Variants in PTPRD observed in about 807,000 individuals in gnomAD.
PTPRD encodes receptor-type tyrosine-protein phosphatase delta.
Under a neutral mutation model 214.5 loss-of-function variants are expected in PTPRD, and 34 were observed. The ratio of observed to expected loss-of-function variants is 0.16; its 90% CI spans 0.12 to 0.21. The LOEUF (loss-of-function observed/expected upper bound fraction) is 0.21, where lower values mean the gene tolerates loss of function less well. Ranked by LOEUF, PTPRD falls within the 10% of genes least tolerant of loss-of-function variation. The pLI is 1.00. For synonymous variants in PTPRD, 1,128 were observed against 845.7 expected (o/e 1.33, Z -5.79); for missense variants, 2,545 against 2,398.7 (o/e 1.06, Z -1.27).
At chr9:8,636,122 G>A (rs935070079) in intron 13 of PTPRD, among the ~76,000 whole-genome samples, 2 of 152,168 alleles carry the variant, frequency 1.3e-5, no homozygotes, top group African/African-American at 4.8e-5. Flanking sequence ...GGTGCGAGGG[G>A]CAGTGGACCA....
In PTPRD at chr9:8,803,971, C is replaced by A. The variant is rs188166276; in HGVS notation, c.-103-70025G>T. The stretch of plus-strand genomic sequence containing the variant: ...CTCACTTCTTCCCTCCACCCCCCCA[C>A]AGACGGAGTCTCGCTCTGTTGCCCA... On this transcript the variant is annotated intron_variant, in intron 11 of 45. Coordinates refer to ENST00000381196, the MANE Select transcript of PTPRD (RefSeq NM_002839.4). Among the ~76,000 whole-genome samples the A allele has an allele frequency of 7.2e-3, 1,101 of 151,892 alleles. 6 individuals carry two copies. The highest frequency in any genetic ancestry group is 0.01 in the Non-Finnish European group (692 of 67,954).
At chr9:8,489,818 T>C (rs2097112897) in intron 27 of PTPRD, among the ~76,000 whole-genome samples, 1 of 152,212 alleles carries the variant, frequency 6.6e-6, no homozygotes, top group African/African-American at 2.4e-5. Flanking sequence ...ACTCACTGCA[T>C]TCCTGGCTTC....
In PTPRD at chr9:9,435,559, T is replaced by C. The variant is rs1452624196; in HGVS notation, c.-236-38077A>G. Among the ~76,000 whole-genome samples, 5 of 152,120 alleles carry C rather than the reference T, an allele frequency of 3.3e-5. 1 individual carries two copies. The highest frequency in any genetic ancestry group is 9.7e-5 in the African/African-American group (4 of 41,428). On this transcript the variant is annotated intron_variant, in intron 8 of 45. Transcript: ENST00000381196. ...CAGATTTTAAGTGCTAAGGATTTGTTTTATTACACTTCATCATCTTTGGTA... is the reference window on the plus strand; with the variant it reads ...CAGATTTTAAGTGCTAAGGATTTGTCTTATTACACTTCATCATCTTTGGTA...
intron 11 of PTPRD, among the ~76,000 whole-genome samples, chr9:8,895,721 T>C (rs1429615799): frequency 6.6e-6 from 1 of 152,192 alleles, no homozygotes; most frequent in Non-Finnish European, 1.5e-5. Context: ...GGGAAGACAA[T>C]GAGTGCTGCT....
At chr9:8,498,187 A>C (rs2097316872) in intron 25 of PTPRD, among the ~76,000 whole-genome samples, 1 of 152,184 alleles carries the variant, frequency 6.6e-6, no homozygotes, top group Admixed American at 6.5e-5. Context: ...AAACATAAAG[A>C]CTTCTGAGAG....
chr9:8,974,647 T>A (rs377281621), intron 11 of PTPRD, among the ~76,000 whole-genome samples: 5 of 152,182 alleles, frequency 3.3e-5, no homozygotes, highest in South Asian at 4.1e-4. Flanking sequence ...ACTGCTTACG[T>A]TTATTAATCC....
intron 30 of PTPRD, 25 bp downstream of exon 30, chr9:8,484,094 A>T (rs2096948282): frequency 6.3e-7 from 1 of 1,599,624 alleles, no homozygotes; most frequent in Admixed American, 1.7e-5. Context: ...TCTTTCCTTC[A>T]GCCCTAAGCC....
At chr9:9,793,134 C>A (rs190234009) in intron 5 of PTPRD, among the ~76,000 whole-genome samples, 172 of 152,074 alleles carry the variant, frequency 1.1e-3, no homozygotes, top group Non-Finnish European at 2.0e-3. Flanking sequence ...AAATACAGGA[C>A]CTGAAATTCC....
At chr9:10,210,815 ATATATATGTATGTATG>A (rs2099513196) in intron 3 of PTPRD, among the ~76,000 whole-genome samples, 1 of 87,240 alleles carries the variant, frequency 1.1e-5, no homozygotes, top group African/African-American at 5.8e-5. Context: ...ATATATATAT[ATATATATGTATGTATG>A]TATGTATGTA....
At chr9:8,452,454 T>A (rs1886020) in intron 33 of PTPRD, among the ~76,000 whole-genome samples, 3 of 152,206 alleles carry the variant, frequency 2.0e-5, no homozygotes, top group Non-Finnish European at 4.4e-5. Flanking sequence ...AGACATATAA[T>A]GGTCTAAATT....
At chr9:8,520,151 T>C (rs2097859788) in intron 20 of PTPRD, among the ~76,000 whole-genome samples, 1 of 152,190 alleles carries the variant, frequency 6.6e-6, no homozygotes, top group African/African-American at 2.4e-5. Context: ...TGCTCACTGA[T>C]ATTTAGCTGA....
At chr9:8,626,258 T>C (rs1359577104) in intron 14 of PTPRD, among the ~76,000 whole-genome samples, 3 of 151,882 alleles carry the variant, frequency 2.0e-5, no homozygotes, top group Admixed American at 6.6e-5. Context: ...AATGACTGTT[T>C]GATAGATTAC....
rs1252204834 is a variant in PTPRD at position 8,441,931 on chromosome 9, G to A, written c.3989-5242C>T. ...CCAACCATTTAACACCCCTGGACAA[G>A]TGGTGACATGTACATAAAGCTGGGT... On this transcript the variant is annotated intron_variant, in intron 34 of 45. Coordinates refer to ENST00000381196, the MANE Select transcript of PTPRD (RefSeq NM_002839.4). 2.0e-5 allele frequency among the ~76,000 whole-genome samples: 3 copies of A among 150,402 alleles called. No individual in the cohort carries two copies. In the Admixed American group the frequency reaches 2.0e-4, roughly 10 times the overall value.
intron 7 of PTPRD, among the ~76,000 whole-genome samples, chr9:9,624,133 T>C (rs540433141): frequency 2.0e-5 from 3 of 152,326 alleles, no homozygotes; most frequent in East Asian, 3.9e-4. Flanking sequence ...AAAATACTTA[T>C]TCCGAGTAGT....
At chr9:9,107,411 C>T (rs946443885) in intron 10 of PTPRD, among the ~76,000 whole-genome samples, 9 of 152,142 alleles carry the variant, frequency 5.9e-5, no homozygotes, top group Admixed American at 3.9e-4. Context: ...ATTTCATCTA[C>T]CAGCCTTGTT....
At chr9:10,358,036 G>C (rs548683633) in intron 2 of PTPRD, among the ~76,000 whole-genome samples, 1 of 152,192 alleles carries the variant, frequency 6.6e-6, no homozygotes, top group South Asian at 2.1e-4. Flanking sequence ...TCAATACTTG[G>C]ATGAGACAAC....
intron 5 of PTPRD, among the ~76,000 whole-genome samples, chr9:9,829,537 G>T (rs867616999): frequency 1.3e-5 from 2 of 151,882 alleles, no homozygotes; most frequent in Middle Eastern, 3.4e-3. Context: ...GTTACAGAAA[G>T]ATTTTAAATA....
chr9:8,968,000 G>C (rs11788709), intron 11 of PTPRD, among the ~76,000 whole-genome samples: 42,238 of 151,854 alleles, frequency 0.28, 6,684 homozygotes, highest in Non-Finnish European at 0.36. Flanking sequence ...GAGAACATGT[G>C]GTGTTTGGTT....
At chr9:9,096,224 C>T (rs565897539) in intron 10 of PTPRD, among the ~76,000 whole-genome samples, 19 of 152,240 alleles carry the variant, frequency 1.2e-4, no homozygotes, top group African/African-American at 4.3e-4. Flanking sequence ...TAGATTTTAG[C>T]CACCGTTGCC....
Sources: gnomAD v4.1 joint callset for allele counts (sites outside exome capture counted in the v4.1 genomes callset) on GRCh38, gnomAD v4.1.1 for gene constraint, MANE v1.5 for transcripts, NCBI Gene and HGNC (gene_info 2026-07-23, HGNC 2026-07-21) for gene names.